Variants in CHSY3 observed in about 807,000 individuals in gnomAD.
CHSY3 encodes chondroitin sulfate synthase 3.
CHSY3 carries 35 observed loss-of-function variants against 67.2 expected under a neutral mutation model. That is an observed-to-expected ratio of 0.52 (90% confidence interval 0.40 to 0.69). The LOEUF (loss-of-function observed/expected upper bound fraction) is 0.69. CHSY3 is among the 30% of genes least tolerant of loss of function. CHSY3 has a pLI of 0.00. For synonymous variants in CHSY3, 474 were observed against 434.7 expected (o/e 1.09, Z -1.12); for missense variants, 1,069 against 1,138.5 (o/e 0.94, Z 0.88).
At chr5:130,126,953 G>T (rs1175222387) in intron 2 of CHSY3, among the ~76,000 whole-genome samples, 1 of 152,104 alleles carries the variant, frequency 6.6e-6, no homozygotes, top group Non-Finnish European at 1.5e-5. Context: ...GGTGCTCATG[G>T]CCTGTGTGGC....
chr5:130,155,554 G>C (rs1166099467), intron 2 of CHSY3, among the ~76,000 whole-genome samples: 1 of 152,140 alleles, frequency 6.6e-6, no homozygotes, highest in African/African-American at 2.4e-5. Context: ...TGCCAGCTTT[G>C]CATATCCCTA....
chr5:129,963,700 G>C (rs1357204924), intron 2 of CHSY3, among the ~76,000 whole-genome samples: 2 of 151,848 alleles, frequency 1.3e-5, no homozygotes, highest in African/African-American at 4.8e-5. Context: ...GTCATCATTT[G>C]AATGTTTCTT....
At chr5:130,086,809 T>A (rs1421572317) in intron 2 of CHSY3, among the ~76,000 whole-genome samples, 2 of 151,976 alleles carry the variant, frequency 1.3e-5, no homozygotes, top group Non-Finnish European at 2.9e-5. Context: ...CTGGTACCAT[T>A]CCTTCTGAAA....
intron 2 of CHSY3, among the ~76,000 whole-genome samples, chr5:130,127,173 G>A (rs1210050231): frequency 6.6e-6 from 1 of 152,136 alleles, no homozygotes; most frequent in African/African-American, 2.4e-5. Context: ...ACATGACTTA[G>A]TGTAGATCAT....
chr5:130,117,993 C>T (rs540964147), intron 2 of CHSY3, among the ~76,000 whole-genome samples: 1 of 152,240 alleles, frequency 6.6e-6, no homozygotes, highest in East Asian at 1.9e-4. Context: ...AGTTAGCACT[C>T]TGAGTTCCTG....
chr5:130,155,600 C>A (rs940007454), intron 2 of CHSY3, among the ~76,000 whole-genome samples: 3 of 152,150 alleles, frequency 2.0e-5, no homozygotes, highest in Non-Finnish European at 2.9e-5. Context: ...AATTGAAAAG[C>A]CTTGAAAATG....
chr5:129,976,082 A>T (rs536725278), intron 2 of CHSY3, among the ~76,000 whole-genome samples: 1 of 152,310 alleles, frequency 6.6e-6, no homozygotes, highest in Admixed American at 6.5e-5. Context: ...TTATTCAAGA[A>T]GATCAGCTGT....
intron 2 of CHSY3, among the ~76,000 whole-genome samples, chr5:130,058,004 T>C (rs568063090): frequency 7.2e-5 from 11 of 152,246 alleles, no homozygotes; most frequent in African/African-American, 2.6e-4. Flanking sequence ...CTCAAATATT[T>C]AGTTATATTT....
rs1471928921 is a variant in CHSY3, at chr5:130,185,348, A to G, written c.2206A>G (p.Ile736Val). 4 of 1,608,108 alleles carry G rather than the reference A, an allele frequency of 2.5e-6. No homozygotes were observed. Among genetic ancestry groups the G allele is most frequent in the East Asian group, 2.2e-5 (1 of 44,846 alleles). ...DFLQRCRDNTIQGQQVYYPII... is the reference protein window; with the variant it reads ...DFLQRCRDNTVQGQQVYYPII... Reference sequence around the variant, plus strand: ...TCTCCAACGATGTAGAGACAATACAATTCAGGGACAACAGGTGTACTATCC... The same window carrying G: ...TCTCCAACGATGTAGAGACAATACAGTTCAGGGACAACAGGTGTACTATCC... The change falls in exon 3 of 3, where the codon ATT becomes GTT. Residue 736 changes from isoleucine to valine, a missense_variant. Ile to Val is a conservative substitution (Grantham distance 29). Coordinates refer to ENST00000305031, the MANE Select transcript of CHSY3 (RefSeq NM_175856.5).
At chr5:130,084,685 T>C (rs911326087) in intron 2 of CHSY3, among the ~76,000 whole-genome samples, 1 of 151,974 alleles carries the variant, frequency 6.6e-6, no homozygotes, top group African/African-American at 2.4e-5. Flanking sequence ...TGATCCTAAA[T>C]GTAAACACAA....
At position 130,085,463 on chromosome 5, in the gene CHSY3, T is replaced by C. The variant is rs544564851; in HGVS notation, c.1087-98766T>C. Reference sequence around the variant, plus strand: ...TTTTAAAGCACAGAAACTTCCCCTTTATCATTTTTTATTGTGTCTATTTGA... The same window carrying C: ...TTTTAAAGCACAGAAACTTCCCCTTCATCATTTTTTATTGTGTCTATTTGA... On this transcript the variant is annotated intron_variant, in intron 2 of 2. Transcript: ENST00000305031. 4.6e-4 allele frequency among the ~76,000 whole-genome samples: 70 copies of C among 152,200 alleles called. No individual in the cohort carries two copies. The South Asian group carries it at 0.012, about 25-fold the overall frequency.
intron 2 of CHSY3, among the ~76,000 whole-genome samples, chr5:130,016,656 G>A (rs146975651): frequency 0.026 from 3,887 of 152,234 alleles, 169 homozygotes; most frequent in African/African-American, 0.088. Context: ...GTGATCTGCC[G>A]CCTTGGCCTC....
At chr5:130,092,272 A>C (rs554012946) in intron 2 of CHSY3, among the ~76,000 whole-genome samples, 3 of 152,228 alleles carry the variant, frequency 2.0e-5, no homozygotes, top group African/African-American at 7.2e-5. Context: ...AATTTATCAC[A>C]CTGTGGAAAA....
At chr5:130,075,506 A>G (rs1766220422) in intron 2 of CHSY3, among the ~76,000 whole-genome samples, 1 of 152,086 alleles carries the variant, frequency 6.6e-6, no homozygotes, top group East Asian at 1.9e-4. Context: ...TTCCTTTCCC[A>G]TTCATTCAAA....
chr5:129,929,363 C>CT (rs1206081456), intron 2 of CHSY3, among the ~76,000 whole-genome samples: 5 of 152,208 alleles, frequency 3.3e-5, no homozygotes, highest in African/African-American at 1.2e-4. Context: ...AAAATTGTAT[C>CT]TTTTACTGTG....
At chr5:130,176,045 A>T (rs994302320) in intron 2 of CHSY3, among the ~76,000 whole-genome samples, 38 of 152,302 alleles carry the variant, frequency 2.5e-4, no homozygotes, top group Non-Finnish European at 4.9e-4. Flanking sequence ...AAAAGAAACT[A>T]TCATCAGAGT....
intron 2 of CHSY3, among the ~76,000 whole-genome samples, chr5:129,926,383 T>G (rs1761109608): frequency 6.6e-6 from 1 of 151,898 alleles, no homozygotes; most frequent in Admixed American, 6.6e-5. Flanking sequence ...GTAACTGGAG[T>G]TTAGATTTAT....
intron 2 of CHSY3, among the ~76,000 whole-genome samples, chr5:130,144,252 A>C (rs928264697): frequency 6.6e-6 from 1 of 152,146 alleles, no homozygotes; most frequent in African/African-American, 2.4e-5. Context: ...CAAGTGGAGC[A>C]AGATGGCTGA....
intron 2 of CHSY3, among the ~76,000 whole-genome samples, chr5:130,029,631 G>A (rs1764650734): frequency 6.6e-6 from 1 of 152,168 alleles, no homozygotes; most frequent in Non-Finnish European, 1.5e-5. Flanking sequence ...ACACATTTGA[G>A]CACCTTCTGC....
Sources: gnomAD v4.1 joint callset for allele counts (sites outside exome capture counted in the v4.1 genomes callset) on GRCh38, gnomAD v4.1.1 for gene constraint, MANE v1.5 for transcripts, NCBI Gene and HGNC (gene_info 2026-07-23, HGNC 2026-07-21) for gene names.